Variants in PRICKLE2 observed in about 807,000 individuals in gnomAD.
The protein encoded by PRICKLE2 is prickle planar cell polarity protein 2.
In PRICKLE2, 21 loss-of-function variants were observed where a neutral mutation model predicts 81.4. The observed-to-expected ratio is 0.26, with a 90% CI of 0.18 to 0.37. The LOEUF (loss-of-function observed/expected upper bound fraction) is 0.37, where lower values mean the gene tolerates loss of function less well. Among genes scored for constraint, PRICKLE2 ranks in the 10% least tolerant of loss-of-function variants. The pLI is 1.00. For missense variants in PRICKLE2, 940 were observed against 1,109.0 expected, an observed-to-expected ratio of 0.85 and a Z score of 2.16; for synonymous variants, 456 against 421.5, an observed-to-expected ratio of 1.08 and a Z score of -1.00.
intron 7 of PRICKLE2, among the ~76,000 whole-genome samples, chr3:64,116,064 A>G (rs981553915): frequency 2.0e-5 from 3 of 152,200 alleles, no homozygotes; most frequent in African/African-American, 7.2e-5. Flanking sequence ...ATACAATTAC[A>G]TGGAAATTGG....
chr3:64,145,417 A>T (rs2077433073), intron 7 of PRICKLE2: 1 of 150,618 alleles, frequency 6.6e-6, no homozygotes, highest in Admixed American at 6.7e-5. Context: ...GTAGAGACAG[A>T]GTCTCACTAT....
chr3:64,256,290 C>A (rs1376496799), intron 2 of PRICKLE2, among the ~76,000 whole-genome samples: 1 of 152,176 alleles, frequency 6.6e-6, no homozygotes, highest in Admixed American at 6.5e-5. Context: ...GAGACAGTAA[C>A]TCTAAACCTC....
rs1300950315 is a variant in PRICKLE2 at position 64,238,493 on chromosome 3, A to C, written c.129-39526T>G. ...AGAACGAGACTCCGTCTCAAAAAAA[A>C]AAAAAAAGAAAAAAGAAAAGAAAAG... On this transcript the variant is annotated intron_variant, in intron 2 of 8. Transcript: ENST00000295902. Among the ~76,000 whole-genome samples, 50 of 151,896 alleles carry C rather than the reference A, an allele frequency of 3.3e-4. 2 individuals are homozygous for C. The highest frequency in any genetic ancestry group is 1.3e-4 in the Non-Finnish European group (9 of 67,946).
intron 1 of PRICKLE2, among the ~76,000 whole-genome samples, chr3:64,224,638 CT>C (rs1044915843): frequency 9.2e-5 from 14 of 152,124 alleles, no homozygotes; most frequent in African/African-American, 3.4e-4. Context: ...GAAAGCTACA[CT>C]TTTAGAGAAA....
intron 2 of PRICKLE2, among the ~76,000 whole-genome samples, chr3:64,167,627 T>C (rs1404978474): frequency 2.0e-5 from 3 of 152,230 alleles, no homozygotes; most frequent in African/African-American, 7.2e-5. Flanking sequence ...TGGAAGGAAC[T>C]GCACGTTTGA....
At chr3:64,146,779 C>G (rs1330323988) in intron 7 of PRICKLE2, 51 bp downstream of exon 7, 4 of 1,601,722 alleles carry the variant, frequency 2.5e-6, no homozygotes, top group Non-Finnish European at 3.4e-6. Flanking sequence ...AGCATCCAGT[C>G]ACCCAGAGAC....
intron 2 of PRICKLE2, among the ~76,000 whole-genome samples, chr3:64,245,636 C>T (rs142925059): frequency 6.6e-6 from 1 of 152,226 alleles, no homozygotes; most frequent in Non-Finnish European, 1.5e-5. Context: ...CCTGTCTGGG[C>T]CAACCATTCA....
intron 1 of PRICKLE2, among the ~76,000 whole-genome samples, chr3:64,216,911 C>A (rs983279107): frequency 6.6e-6 from 1 of 152,182 alleles, no homozygotes. Context: ...CAGTCCGTGG[C>A]AAGCTTCTAG....
At chr3:64,255,592 T>A (rs1323780568) in intron 2 of PRICKLE2, among the ~76,000 whole-genome samples, 2 of 152,222 alleles carry the variant, frequency 1.3e-5, no homozygotes, top group Non-Finnish European at 2.9e-5. Flanking sequence ...CCCAGTCTGC[T>A]GCCATAAGGC....
chr3:64,120,102 G>A (rs1336895526), intron 7 of PRICKLE2, among the ~76,000 whole-genome samples: 1 of 152,104 alleles, frequency 6.6e-6, no homozygotes, highest in Non-Finnish European at 1.5e-5. Flanking sequence ...TAACTATTGG[G>A]TACTATGCTC....
chr3:64,267,060 C>T (rs1022416894), intron 2 of PRICKLE2, among the ~76,000 whole-genome samples: 1 of 152,080 alleles, frequency 6.6e-6, no homozygotes, highest in Non-Finnish European at 1.5e-5. Flanking sequence ...TCTTACCCAG[C>T]ACCTACCCAC....
At chr3:64,218,259 T>A (rs936402135) in intron 1 of PRICKLE2, among the ~76,000 whole-genome samples, 1 of 152,242 alleles carries the variant, frequency 6.6e-6, no homozygotes, top group East Asian at 1.9e-4. Context: ...CCTTAATTTA[T>A]ATAAATCAGA....
chr3:64,116,744 C>T (rs992546587), intron 7 of PRICKLE2, among the ~76,000 whole-genome samples: 8 of 152,174 alleles, frequency 5.3e-5, no homozygotes, highest in African/African-American at 1.9e-4. Context: ...CAGATGGATT[C>T]ACAGCTGAAT....
chr3:64,239,620 T>C (rs1325383711), intron 2 of PRICKLE2, among the ~76,000 whole-genome samples: 1 of 152,144 alleles, frequency 6.6e-6, no homozygotes, highest in African/African-American at 2.4e-5. Context: ...AGGTGATTTA[T>C]AAGCCAGATT....
At chr3:64,187,789 A>G (rs1197085342) in intron 2 of PRICKLE2, among the ~76,000 whole-genome samples, 1 of 152,210 alleles carries the variant, frequency 6.6e-6, no homozygotes, top group Non-Finnish European at 1.5e-5. Context: ...CACATAAAAG[A>G]GCAAACTGTC....
intron 2 of PRICKLE2, among the ~76,000 whole-genome samples, chr3:64,178,475 C>G (rs2107075288): frequency 6.6e-6 from 1 of 152,276 alleles, no homozygotes; most frequent in South Asian, 2.1e-4. Context: ...GACTTCTGTT[C>G]AGGTTTCATT....
intron 7 of PRICKLE2, among the ~76,000 whole-genome samples, chr3:64,144,515 G>A (rs746721763): frequency 2.6e-5 from 4 of 152,230 alleles, no homozygotes; most frequent in Non-Finnish European, 4.4e-5. Context: ...AGCAGTGGCC[G>A]TCCCCTTCAA....
rs769658657 is a variant in PRICKLE2, at chr3:64,146,860, T to C, written c.1630A>G (p.Met544Val). Reference protein sequence around the residue: ...TPTEQTPRGSMESLALSNATG... With the variant: ...TPTEQTPRGSVESLALSNATG... ...GCATTAGACAGGGCCAGGGATTCCA[T>C]GGAGCCCCGAGGGGTCTGCTCTGTG... Residue 544 changes from methionine (M) to valine (V), a missense_variant, in exon 7 of 8, where the codon ATG becomes GTG. Met to Val is a conservative substitution (Grantham distance 21). Transcript: ENST00000638394. The C allele has an allele frequency of 1.9e-6, 3 of 1,614,158 alleles. No individual in the cohort carries two copies. Among genetic ancestry groups the C allele is most frequent in the South Asian group, 1.1e-5 (1 of 91,080 alleles).
chr3:64,224,529 T>C (rs1235947246), intron 1 of PRICKLE2, among the ~76,000 whole-genome samples: 4 of 152,330 alleles, frequency 2.6e-5, no homozygotes, highest in African/African-American at 7.2e-5. Flanking sequence ...GATCCCCTAA[T>C]GGTTTCTGAC....
Sources: allele counts gnomAD v4.1 joint callset (sites outside exome capture counted in the v4.1 genomes callset), GRCh38; gene constraint gnomAD v4.1.1; transcripts MANE v1.5; gene names NCBI Gene and HGNC (gene_info 2026-07-23, HGNC 2026-07-21).